RPS6: variants seen among roughly 807,000 people sequenced by gnomAD.
The protein encoded by RPS6 is ribosomal protein S6.
A neutral mutation model predicts 27.1 loss-of-function variants in RPS6; 1 was observed. The ratio of observed to expected loss-of-function variants is 0.04; its 90% CI spans 0.01 to 0.18. The LOEUF (loss-of-function observed/expected upper bound fraction) is 0.18. RPS6 is among the 10% of genes least tolerant of loss of function. The probability of loss-of-function intolerance (pLI) is 1.00; values close to 1 mark genes in which losing one functional copy is unlikely to be tolerated. For missense variants in RPS6, 259 were observed against 319.1 expected (o/e 0.81, Z 1.44); for synonymous variants, 152 against 106.0 (o/e 1.43, Z -2.66).
At chr9:19,379,685 A>G (rs556802287) in intron 1 of RPS6, 67 bp from the exon 2 acceptor site, 6 of 1,538,354 alleles carry the variant, frequency 3.9e-6, no homozygotes, top group Admixed American at 2.1e-5. Context: ...AGCCATCTAC[A>G]AAGTTAATTC....
chr9:19,376,758 C>A, intron 4 of RPS6, 107 bp from the exon 5 acceptor site: 1 of 1,079,916 alleles, frequency 9.3e-7, no homozygotes, highest in Non-Finnish European at 1.3e-6. Flanking sequence ...CTATGAAAAC[C>A]TATAATGAGG....
intron 4 of RPS6, 70 bp downstream of exon 4, chr9:19,378,298 C>G: frequency 4.7e-6 from 7 of 1,474,646 alleles, no homozygotes; most frequent in Non-Finnish European, 6.6e-6. Context: ...TATTTATCTT[C>G]TGATATGCAC....
rs1417604031 is a variant in RPS6 at position 19,376,246 on chromosome 9, CAA to C, written c.*45_*46del. On this transcript the variant is annotated 3_prime_UTR_variant, in exon 6 of 6. Transcript: ENST00000380394. ...TAGTTTTCTATCAGCAATGAAAAGT[CAA>C]CAGAGATCAGAGTCTGATCTTATTT... The C allele has an allele frequency of 6.8e-7, 1 of 1,481,156 alleles. No individual in the cohort carries two copies. The highest frequency in any genetic ancestry group is 9.3e-7 in the Non-Finnish European group (1 of 1,077,222). The allele number at this position is 1,481,156 out of a possible 1,614,324, so 91.8% of individuals were successfully genotyped here. A position where few individuals can be genotyped will look rare whatever the true frequency, so the allele number is the denominator to read the frequency against.
chr9:19,376,751 T>G, intron 4 of RPS6, 100 bp from the exon 5 acceptor site: 2 of 1,212,428 alleles, frequency 1.6e-6, no homozygotes, highest in Non-Finnish European at 1.1e-6. Context: ...ACAGCATCTA[T>G]GAAAACCTAT....
intron 4 of RPS6, 84 bp from the exon 5 acceptor site, chr9:19,376,735 A>C (rs1829594710): frequency 1.5e-6 from 2 of 1,351,988 alleles, no homozygotes; most frequent in Non-Finnish European, 2.0e-6. Flanking sequence ...AATAAACGTA[A>C]GCTTAACAGC....
intron 4 of RPS6, among the ~76,000 whole-genome samples, chr9:19,377,155 G>C (rs1354962743): frequency 6.6e-6 from 1 of 152,154 alleles, no homozygotes; most frequent in African/African-American, 2.4e-5. Flanking sequence ...ACTGCTCATG[G>C]ATTACAGATC....
chr9:19,379,326 C>T lies in RPS6; in HGVS notation c.138+161G>A, dbSNP rs567486924. On this transcript the variant is annotated intron_variant, in intron 2 of 5. Coordinates refer to ENST00000380394, the MANE Select transcript of RPS6 (RefSeq NM_001010.3). ...TTTTATGGCTTACTCTACGTCCCCC[C>T]CTCCAAGGTAATACCTCTAACTTTA... 3.0e-5 allele frequency: 46 copies of T among 1,512,806 alleles called. No individual in the cohort carries two copies. In the South Asian group the frequency reaches 5.2e-4, roughly 17 times the overall value. 93.7% of individuals were successfully genotyped at this position (1,512,806 alleles called of 1,614,324 possible).
intron 4 of RPS6, 148 bp from the exon 5 acceptor site, chr9:19,376,799 A>G (rs1426602787): frequency 1.5e-6 from 1 of 663,628 alleles, no homozygotes; most frequent in African/African-American, 1.8e-5. Context: ...CTATTCTAAA[A>G]TGCTTTTTGC....
chr9:19,380,030 C>A, intron 1 of RPS6, 160 bp downstream of exon 1: 2 of 1,541,686 alleles, frequency 1.3e-6, no homozygotes, highest in East Asian at 2.3e-5. Context: ...ATCCGTTCGG[C>A]CAAAAAGCTC....
Position 19,376,278 on chromosome 9 carries a change from G to A in RPS6, c.*15C>T, listed in dbSNP as rs562946854. On this transcript the variant is annotated 3_prime_UTR_variant, in exon 6 of 6. Transcript: ENST00000380394. ...GATCAGAGTCTGATCTTATTTATTT[G>A]TTACTCAAAAAATCTTATTTCTGAC... 1.3e-6 allele frequency: 2 copies of A among 1,593,198 alleles called. No homozygotes were observed. The highest frequency in any genetic ancestry group is 2.7e-5 in the African/African-American group (2 of 74,170).
intron 1 of RPS6, chr9:19,379,948 C>T (rs1009413231): frequency 9.1e-6 from 13 of 1,435,742 alleles, no homozygotes; most frequent in East Asian, 2.5e-5. Context: ...ACGCCGCATC[C>T]GTCCCGGCTG....
chr9:19,377,308 T>C (rs1250378519), intron 4 of RPS6, among the ~76,000 whole-genome samples: 2 of 151,876 alleles, frequency 1.3e-5, no homozygotes, highest in African/African-American at 2.4e-5. Flanking sequence ...CATCTAAAAA[T>C]ACCCATCAAC....
Position 19,376,533 on chromosome 9 carries a change from C to G in RPS6, c.615G>C (p.Glu205Asp). 6.2e-7 allele frequency: 1 copy of G among 1,614,154 alleles called. No individual in the cohort carries two copies. ...KKQRTKKNKE[E>D]AAEYAKLLAK... ...CCAAAAGTTTAGCATATTCTGCAGC[C>G]TCTTCTTTATTTTTCTTGGTACGCT... Residue 205 changes from glutamate (E) to aspartate (D), a missense_variant, in exon 5 of 6, where the codon GAG becomes GAC. Coordinates refer to ENST00000380394, the MANE Select transcript of RPS6 (RefSeq NM_001010.3).
In RPS6 at chr9:19,376,563, C is replaced by G. The variant is rs746298530; in HGVS notation, c.585G>C (p.Lys195Asn). Residue 195 changes from lysine to asparagine, a missense_variant, in exon 5 of 6, where the codon AAG becomes AAC. Coordinates refer to ENST00000380394, the MANE Select transcript of RPS6 (RefSeq NM_001010.3). The stretch of plus-strand genomic sequence containing the variant: ...CTTTATTTTTCTTGGTACGCTGCTT[C>G]TTCAGAGCAATACGCCGCCGTTTGT... ...LQHKRRRIALKKQRTKKNKEE... is the reference protein window; with the variant it reads ...LQHKRRRIALNKQRTKKNKEE... 2 of 1,614,168 alleles carry G rather than the reference C, an allele frequency of 1.2e-6. No individual in the cohort carries two copies. Among genetic ancestry groups the G allele is most frequent in the Non-Finnish European group, 1.7e-6 (2 of 1,180,042 alleles).
Position 19,378,522 on chromosome 9 carries a change from G to C in RPS6, c.350-8C>G, listed in dbSNP as rs117840373. The C allele has an allele frequency of 8.1e-4, 1,298 of 1,610,138 alleles. 17 individuals carry two copies. In the East Asian group the frequency reaches 0.02, roughly 25 times the overall value. ...CAGGAATATCCTTCTCTCCTTAGAA[G>C]AAACAGTTGAAGAGATTTTAATTCA... On this transcript the variant is annotated splice_polypyrimidine_tract_variant and splice_region_variant and intron_variant, in intron 3 of 5. Coordinates refer to ENST00000380394, the MANE Select transcript of RPS6 (RefSeq NM_001010.3).
At chr9:19,376,844 T>C (rs929938370) in intron 4 of RPS6, 193 bp from the exon 5 acceptor site, 5 of 486,436 alleles carry the variant, frequency 1.0e-5, no homozygotes, top group South Asian at 7.5e-5. Context: ...GGTTAAATAT[T>C]ATAAAAATAT....
intron 2 of RPS6, 49 bp downstream of exon 2, chr9:19,379,438 C>T (rs1829643208): frequency 6.2e-7 from 1 of 1,610,348 alleles, no homozygotes; most frequent in Non-Finnish European, 8.5e-7. Context: ...TTACCAATGG[C>T]GTTTACCGTC....
intron 4 of RPS6, 87 bp from the exon 5 acceptor site, chr9:19,376,738 T>C: frequency 2.2e-6 from 3 of 1,342,698 alleles, no homozygotes; most frequent in Non-Finnish European, 3.1e-6. Context: ...AAACGTAAGC[T>C]TAACAGCATC....
chr9:19,379,107 A>C, intron 2 of RPS6, 189 bp from the exon 3 acceptor site: 1 of 763,436 alleles, frequency 1.3e-6, no homozygotes, highest in Non-Finnish European at 2.1e-6. Context: ...CAATTATCAA[A>C]TGTCTTTCAA....
Sources: allele counts gnomAD v4.1 joint callset (sites outside exome capture counted in the v4.1 genomes callset), GRCh38; gene constraint gnomAD v4.1.1; transcripts MANE v1.5; gene names NCBI Gene and HGNC (gene_info 2026-07-23, HGNC 2026-07-21).